SYNE2: variants seen among roughly 807,000 people sequenced by gnomAD.
SYNE2 encodes the protein spectrin repeat containing nuclear envelope protein 2, also known as nesprin-2.
In SYNE2, 431 loss-of-function variants were observed where a neutral mutation model predicts 856.3. That is an observed-to-expected ratio of 0.50 (90% CI 0.47 to 0.55). The LOEUF (loss-of-function observed/expected upper bound fraction) is 0.55, where lower values mean the gene tolerates loss of function less well. Ranked by LOEUF, SYNE2 falls within the 20% of genes least tolerant of loss-of-function variation. The pLI, the probability that SYNE2 is intolerant of heterozygous loss-of-function variation, is 0.00. For synonymous variants in SYNE2, 2,923 were observed against 2,872.3 expected (o/e 1.02, Z -0.56); for missense variants, 8,129 against 8,023.2 (o/e 1.01, Z -0.50).
intron 31 of SYNE2, 88 bp from the exon 32 acceptor site, chr14:64,009,878 T>C: frequency 1.7e-6 from 2 of 1,200,056 alleles, no homozygotes; most frequent in Middle Eastern, 2.8e-4. Flanking sequence ...TTACACCTTA[T>C]TCATCATTTA....
chr14:64,141,558 T>C (rs1165969322), intron 81 of SYNE2, 35 bp downstream of exon 81: 1 of 1,597,448 alleles, frequency 6.3e-7, no homozygotes, highest in African/African-American at 1.3e-5. Flanking sequence ...TGAATTAGCA[T>C]TCACTTGTTA....
At chr14:64,219,772 C>T (rs1308538256) in intron 110 of SYNE2, among the ~76,000 whole-genome samples, 3 of 152,154 alleles carry the variant, frequency 2.0e-5, no homozygotes, top group Non-Finnish European at 2.9e-5. Context: ...CACAGTTACA[C>T]GAAAGACTAG....
chr14:64,063,009 G>C, intron 50 of SYNE2, 114 bp downstream of exon 50: 2 of 1,201,812 alleles, frequency 1.7e-6, no homozygotes, highest in Admixed American at 3.7e-5. Flanking sequence ...TTCACAGTGA[G>C]TTAAATATCC....
chr14:64,055,846 T>C, intron 48 of SYNE2, 98 bp from the exon 49 acceptor site: 2 of 633,074 alleles, frequency 3.2e-6, no homozygotes, highest in Non-Finnish European at 2.7e-6. Context: ...AAAAAAAGAC[T>C]CAGAGACATA....
At chr14:64,206,493 G>C (rs1275509282) in intron 100 of SYNE2, among the ~76,000 whole-genome samples, 4 of 150,386 alleles carry the variant, frequency 2.7e-5, no homozygotes, top group Non-Finnish European at 4.4e-5. Context: ...GTAGGCCATT[G>C]TGTGGTGTTT....
chr14:63,925,359 C>T (rs1566814787), intron 2 of SYNE2, among the ~76,000 whole-genome samples: 1 of 151,946 alleles, frequency 6.6e-6, no homozygotes, highest in African/African-American at 2.4e-5. Flanking sequence ...AAGTTTTCAT[C>T]ATTCCCTTTT....
intron 19 of SYNE2, among the ~76,000 whole-genome samples, chr14:63,987,127 C>T (rs901334216): frequency 6.6e-6 from 1 of 152,008 alleles, no homozygotes. Context: ...GTGGCGCGCA[C>T]GCCTGTAGTC....
chr14:64,097,618 A>G (rs1186943703), intron 61 of SYNE2, among the ~76,000 whole-genome samples: 1 of 152,246 alleles, frequency 6.6e-6, no homozygotes, highest in Non-Finnish European at 1.5e-5. Context: ...GTAGCTGGCC[A>G]CTAGAGCGGT....
chr14:64,124,690 G>A (rs992057897), intron 70 of SYNE2, among the ~76,000 whole-genome samples: 28 of 152,114 alleles, frequency 1.8e-4, no homozygotes, highest in Non-Finnish European at 7.4e-5. Flanking sequence ...GCATGCTAAG[G>A]CATCTTTTTC....
At chr14:64,143,741 C>T (rs1348298589) in intron 82 of SYNE2, 31 bp from the exon 83 acceptor site, 1 of 1,612,322 alleles carries the variant, frequency 6.2e-7, no homozygotes, top group East Asian at 2.2e-5. Flanking sequence ...ACATTCATGA[C>T]TGCTTTGGTG....
chr14:64,076,383 G>C (rs1354402748), intron 54 of SYNE2, among the ~76,000 whole-genome samples: 1 of 151,954 alleles, frequency 6.6e-6, no homozygotes, highest in Admixed American at 6.6e-5. Flanking sequence ...GGTTTTGTTT[G>C]CTTTTGTACA....
chr14:63,993,956 G>T lies in SYNE2; in HGVS notation c.2768G>T (p.Cys923Phe). ...MSLEEKSRDV[C>F]AKWESLHHEL... Reference sequence around the variant, plus strand: ...TTAGAAGAAAAGAGTAGAGATGTCTGTGCCAAATGGGAGGTAAGAACATGC... The same window carrying T: ...TTAGAAGAAAAGAGTAGAGATGTCTTTGCCAAATGGGAGGTAAGAACATGC... Residue 923 changes from cysteine to phenylalanine, a missense_variant, in exon 22 of 116, where the codon TGT (cysteine) becomes TTT (phenylalanine). By Grantham distance (205) the Cys-to-Phe change is radical. Around this residue, in one of 3 missense-constraint regions of SYNE2, gnomAD observed 2,422 missense variants for 2,357.4 expected, o/e 1.03. Transcript: ENST00000555002. The T allele has an allele frequency of 6.2e-7, 1 of 1,613,810 alleles. No individual in the cohort carries two copies. The highest frequency in any genetic ancestry group is 8.5e-7 in the Non-Finnish European group (1 of 1,179,802).
In SYNE2 at chr14:64,055,853, CAT is replaced by C. The variant is rs930857934; in HGVS notation, c.9745-88_9745-87del. The C allele has an allele frequency of 7.4e-6, 6 of 806,354 alleles. No individual in the cohort carries two copies. In the African/African-American group the frequency reaches 1.0e-4, roughly 14 times the overall value. The allele number at this position is 806,354 out of a possible 1,614,324, so 49.9% of individuals were successfully genotyped here. On this transcript the variant is annotated intron_variant, in intron 48 of 115. Transcript: ENST00000555002. ...ATAATAATAAAAAAAGACTCAGAGA[CAT>C]ATTATCTATGTACCACGAAAACTTA...
At chr14:64,099,391 C>A (rs750867629) in intron 63 of SYNE2, 3 of 173,134 alleles carry the variant, frequency 1.7e-5, no homozygotes, top group Admixed American at 5.6e-5. Context: ...TTGTGACTTA[C>A]ATGTAACCAC....
chr14:63,774,266 TGA>T (rs1423658249), intron 1 of SYNE2, among the ~76,000 whole-genome samples: 4 of 151,608 alleles, frequency 2.6e-5, no homozygotes, highest in African/African-American at 9.7e-5. Context: ...CTCAGGAGTT[TGA>T]GAGCAGCCTG....
intron 99 of SYNE2, among the ~76,000 whole-genome samples, chr14:64,194,751 CA>C (rs1356514868): frequency 2.6e-5 from 4 of 152,182 alleles, no homozygotes; most frequent in African/African-American, 9.7e-5. Flanking sequence ...AGTTGAGATA[CA>C]AATTGTTGGG....
At chr14:63,848,496 G>A (rs1470230530), upstream of SYNE2, 2 of 152,118 alleles carry the variant, frequency 1.3e-5, no homozygotes, top group African/African-American at 2.4e-5. Context: ...ATTGTGAGCT[G>A]AGCAATATGA....
intron 2 of SYNE2, among the ~76,000 whole-genome samples, chr14:63,940,038 A>G (rs2095886037): frequency 6.7e-6 from 1 of 149,310 alleles, no homozygotes; most frequent in Non-Finnish European, 1.5e-5. Context: ...TTCTTTGTAC[A>G]GTACTGTCAA....
chr14:64,177,832 A>C (rs2153733860), intron 96 of SYNE2, among the ~76,000 whole-genome samples: 1 of 152,334 alleles, frequency 6.6e-6, no homozygotes, highest in Non-Finnish European at 1.5e-5. Flanking sequence ...CTTCTTTGAA[A>C]CAAGAGTAAA....
Sources: allele counts gnomAD v4.1 joint callset (sites outside exome capture counted in the v4.1 genomes callset), GRCh38; gene constraint gnomAD v4.1.1; regional missense constraint gnomAD v4.1.1; transcripts MANE v1.5; gene names NCBI Gene and HGNC (gene_info 2026-07-23, HGNC 2026-07-21).